ASRGL1: variants seen among roughly 807,000 people sequenced by gnomAD.
ASRGL1 encodes the protein asparaginase and isoaspartyl peptidase 1.
In ASRGL1, 16 loss-of-function variants were observed where a neutral mutation model predicts 22.4. The observed-to-expected ratio is 0.71, with a 90% CI of 0.48 to 1.08. The LOEUF (loss-of-function observed/expected upper bound fraction) is 1.08. Ranked by LOEUF, ASRGL1 falls within the 50% of genes least tolerant of loss-of-function variation. The pLI is 0.00. For missense variants in ASRGL1, 412 were observed against 410.1 expected, an observed-to-expected ratio of 1.00 and a Z score of -0.04; for synonymous variants, 165 against 159.3, an observed-to-expected ratio of 1.04 and a Z score of -0.27.
chr11:62,338,467 T>G, intron 2 of ASRGL1: 1 of 283,912 alleles, frequency 3.5e-6, no homozygotes, highest in Non-Finnish European at 6.5e-6. Context: ...ATACAAGACA[T>G]ACATTGGTTC....
At chr11:62,341,099 T>C (rs2134565108) in intron 2 of ASRGL1, among the ~76,000 whole-genome samples, 1 of 152,322 alleles carries the variant, frequency 6.6e-6, no homozygotes, top group South Asian at 2.1e-4. Flanking sequence ...AAATGACCAT[T>C]TGCTTTCACT....
At chr11:62,353,442 C>T (rs761134090) in intron 2 of ASRGL1, among the ~76,000 whole-genome samples, 2 of 151,208 alleles carry the variant, frequency 1.3e-5, no homozygotes, top group Non-Finnish European at 2.9e-5. Flanking sequence ...ACCCCTGGCT[C>T]AAGTGATCCT....
chr11:62,392,265 CTA>C lies in ASRGL1; in HGVS notation c.910_911del (p.Ile304HisfsTer17), dbSNP rs1947358903. On this transcript the variant is annotated frameshift_variant, in exon 7 of 7. Transcript: ENST00000415229. LOFTEE classifies it high-confidence loss of function. Reference sequence around the variant, plus strand: ...TTCGGAATTGATCCTGACGATACTACTATCACCGACCTTCCCTAAGCCGCTGG... The same window carrying C: ...TTCGGAATTGATCCTGACGATACTACTCACCGACCTTCCCTAAGCCGCTGG... 1.2e-6 allele frequency: 2 copies of C among 1,613,742 alleles called. No individual in the cohort carries two copies. The highest frequency in any genetic ancestry group is 1.7e-6 in the Non-Finnish European group (2 of 1,180,044).
chr11:62,375,987 A>G (rs1356889392), intron 4 of ASRGL1, among the ~76,000 whole-genome samples: 1 of 151,562 alleles, frequency 6.6e-6, no homozygotes, highest in Non-Finnish European at 1.5e-5. Context: ...CTGTAATCCC[A>G]GCTACTCAGG....
chr11:62,398,580 C>T, the ASRGL1 span, among the ~76,000 whole-genome samples: 2 of 152,198 alleles, frequency 1.3e-5, no homozygotes, highest in African/African-American at 4.8e-5. Flanking sequence ...TTGCAGACAC[C>T]AAGTATTTCA....
intron 2 of ASRGL1, among the ~76,000 whole-genome samples, chr11:62,343,755 C>G (rs991563479): frequency 8.2e-5 from 12 of 146,050 alleles, no homozygotes; most frequent in Non-Finnish European, 1.7e-4. Flanking sequence ...AAAAAAAGTT[C>G]CACTTAATCC....
At chr11:62,362,552 CATATATTATTTAT>C (rs1565161991) in intron 4 of ASRGL1, among the ~76,000 whole-genome samples, 15 of 26,090 alleles carry the variant, frequency 5.7e-4, no homozygotes, top group African/African-American at 4.0e-3. Flanking sequence ...AAATATATAA[CATATATTATTTAT>C]ATAATATATA....
Position 62,389,152 on chromosome 11 carries a change from G to T in ASRGL1, c.511G>T (p.Ala171Ser), listed in dbSNP as rs1249974842. The stretch of plus-strand genomic sequence containing the variant: ...TGGCAGAAACTTGGGAACCGTGGGT[G>T]CTGTTGCCTTGGACTGCAAAGGGAA... ...DCQKNLGTVG[A>S]VALDCKGNVA... The change falls in exon 5 of 7, where the codon GCT becomes TCT. Residue 171 changes from alanine to serine, a missense_variant. By Grantham distance (99) the Ala-to-Ser change is moderately conservative. Coordinates refer to ENST00000415229, the MANE Select transcript of ASRGL1 (RefSeq NM_001083926.2). 1 of 1,612,706 alleles carries T rather than the reference G, an allele frequency of 6.2e-7. No individual in the cohort carries two copies. Among genetic ancestry groups the T allele is most frequent in the East Asian group, 2.2e-5 (1 of 44,822 alleles).
At chr11:62,344,148 A>G (rs1286788162) in intron 2 of ASRGL1, among the ~76,000 whole-genome samples, 1 of 152,006 alleles carries the variant, frequency 6.6e-6, no homozygotes, top group African/African-American at 2.4e-5. Flanking sequence ...CACACACCTC[A>G]GCCTCCTAAA....
At chr11:62,395,303 C>T (rs2134713112), downstream of ASRGL1, among the ~76,000 whole-genome samples, 1 of 152,238 alleles carries the variant, frequency 6.6e-6, no homozygotes, top group South Asian at 2.1e-4. Context: ...CCCCCACTTG[C>T]TCCTTCCAGC....
intron 3 of ASRGL1, among the ~76,000 whole-genome samples, 159 bp from the exon 4 acceptor site, chr11:62,356,824 CTCAG>C (rs1052719230): frequency 3.9e-5 from 6 of 152,118 alleles, no homozygotes; most frequent in Non-Finnish European, 5.9e-5. Context: ...AATACAAAAA[CTCAG>C]TCAGGCTTTT....
At chr11:62,342,446 C>T (rs1000412853) in intron 2 of ASRGL1, among the ~76,000 whole-genome samples, 1 of 152,128 alleles carries the variant, frequency 6.6e-6, no homozygotes, top group South Asian at 2.1e-4. Context: ...CTGTTTATTC[C>T]TAATTAGGGA....
chr11:62,373,177 G>C, intron 4 of ASRGL1: 1 of 1,178,398 alleles, frequency 8.5e-7, no homozygotes, highest in African/African-American at 1.5e-5. Flanking sequence ...ACCCTCTGAT[G>C]CTCCCAGAGA....
chr11:62,365,249 AT>A (rs1451710150), intron 4 of ASRGL1, among the ~76,000 whole-genome samples: 2 of 152,016 alleles, frequency 1.3e-5, no homozygotes, highest in African/African-American at 4.8e-5. Context: ...TGTACTGGAA[AT>A]TTGCTAAGAG....
chr11:62,366,713 G>A (rs1590734226), intron 4 of ASRGL1, among the ~76,000 whole-genome samples: 1 of 151,260 alleles, frequency 6.6e-6, no homozygotes, highest in East Asian at 1.9e-4. Context: ...ATTTCTCTAT[G>A]TTGCTCAGGC....
intron 4 of ASRGL1, among the ~76,000 whole-genome samples, chr11:62,373,501 A>G (rs111533371): frequency 0.01 from 1,545 of 152,144 alleles, 12 homozygotes; most frequent in Non-Finnish European, 0.017. Context: ...TACACTCCCC[A>G]AAACACTCCT....
At chr11:62,371,670 AG>A in intron 4 of ASRGL1, 1 of 615,988 alleles carries the variant, frequency 1.6e-6, no homozygotes, top group East Asian at 4.2e-5. Context: ...TGCCTAAACA[AG>A]GCCAGGAGTG....
chr11:62,347,154 AG>A (rs1189610752), intron 2 of ASRGL1, among the ~76,000 whole-genome samples: 1 of 152,168 alleles, frequency 6.6e-6, no homozygotes, highest in Non-Finnish European at 1.5e-5. Context: ...ATCAGCTCTA[AG>A]GGGAGACACA....
At chr11:62,393,419 T>C (rs2134710328), downstream of ASRGL1, 1 of 152,270 alleles carries the variant, frequency 6.6e-6, no homozygotes, top group African/African-American at 2.4e-5. Flanking sequence ...AGAATAAGGG[T>C]GTGGTTGGGA....
Sources: allele counts gnomAD v4.1 joint callset (sites outside exome capture counted in the v4.1 genomes callset), GRCh38; gene constraint gnomAD v4.1.1; transcripts MANE v1.5; gene names NCBI Gene and HGNC (gene_info 2026-07-23, HGNC 2026-07-21).